ARFGEF3: variants seen among roughly 807,000 people sequenced by gnomAD.
ARFGEF3 encodes ARFGEF family member 3.
Under a neutral mutation model 221.7 loss-of-function variants are expected in ARFGEF3, and 96 were observed. The observed-to-expected ratio is 0.43, with a 90% CI of 0.37 to 0.51. ARFGEF3 has a LOEUF of 0.51. Among genes scored for constraint, ARFGEF3 ranks in the 20% least tolerant of loss-of-function variants. ARFGEF3 has a pLI of 0.00. For synonymous variants in ARFGEF3, 1,145 were observed against 1,126.8 expected (o/e 1.02, Z -0.32); for missense variants, 2,410 against 2,789.9 (o/e 0.86, Z 3.07).
intron 2 of ARFGEF3, among the ~76,000 whole-genome samples, chr6:138,182,919 C>T (rs1777106830): frequency 2.0e-5 from 3 of 152,134 alleles, no homozygotes; most frequent in Admixed American, 6.5e-5. Context: ...TTAATGAACT[C>T]CAGAGAGAAT....
At chr6:138,254,598 C>T (rs1198799695) in intron 9 of ARFGEF3, among the ~76,000 whole-genome samples, 2 of 151,744 alleles carry the variant, frequency 1.3e-5, no homozygotes, top group Non-Finnish European at 2.9e-5. Context: ...GGCATGGTGG[C>T]GGGTGCCTGT....
At position 138,291,312 on chromosome 6, in the gene ARFGEF3, T is replaced by C. The variant is rs1162630624; in HGVS notation, c.3048-421T>C. ...CTCTCCGTCATAGGTATAGCCATTCTGGGATCCCATCGTAGGGAAACGCTT... is the reference window on the plus strand; with the variant it reads ...CTCTCCGTCATAGGTATAGCCATTCCGGGATCCCATCGTAGGGAAACGCTT... On this transcript the variant is annotated intron_variant, in intron 18 of 33. Transcript: ENST00000251691. This position sits in a 1 kb window ranked among gnomAD's most constrained non-coding sequence, Gnocchi z 4.5. Among the ~76,000 whole-genome samples the C allele has an allele frequency of 6.6e-6, 1 of 152,200 alleles. No individual in the cohort carries two copies. The highest frequency in any genetic ancestry group is 1.5e-5 in the Non-Finnish European group (1 of 68,040).
chr6:138,175,474 C>T (rs1023287846), intron 2 of ARFGEF3, among the ~76,000 whole-genome samples: 15 of 152,166 alleles, frequency 9.9e-5, no homozygotes, highest in Admixed American at 9.2e-4. Context: ...TATCCCTACA[C>T]CGAAGAAGCC....
chr6:138,165,329 G>T (rs1776703296), intron 1 of ARFGEF3, among the ~76,000 whole-genome samples: 1 of 148,664 alleles, frequency 6.7e-6, no homozygotes, highest in African/African-American at 2.5e-5. Flanking sequence ...CCGACACTGA[G>T]ACCCTTGTGA....
chr6:138,269,679 G>A (rs1007984104), intron 12 of ARFGEF3, among the ~76,000 whole-genome samples: 4 of 152,104 alleles, frequency 2.6e-5, no homozygotes, highest in Admixed American at 6.5e-5. Context: ...ATGGTGGTGC[G>A]TGCCTGTAGC....
At chr6:138,285,435 C>T (rs1157679900) in intron 14 of ARFGEF3, among the ~76,000 whole-genome samples, 1 of 137,816 alleles carries the variant, frequency 7.3e-6, no homozygotes, top group African/African-American at 2.8e-5. Context: ...GCCTGGGCGA[C>T]AGAGTGAGAC....
At position 138,342,578 on chromosome 6, in the gene ARFGEF3, C is replaced by G. The variant is rs1463689941; in HGVS notation, c.*6092C>G. On this transcript the variant is annotated 3_prime_UTR_variant, in exon 34 of 34. Coordinates refer to ENST00000251691, the MANE Select transcript of ARFGEF3 (RefSeq NM_020340.5). Reference sequence around the variant, plus strand: ...TAGAAACATTGATTCTATGGATGATCATTTGTATCATGTTGACCCTTTGAC... The same window carrying G: ...TAGAAACATTGATTCTATGGATGATGATTTGTATCATGTTGACCCTTTGAC... The G allele has an allele frequency of 6.6e-6, 1 of 152,140 alleles. No individual in the cohort carries two copies. The highest frequency in any genetic ancestry group is 1.5e-5 in the Non-Finnish European group (1 of 68,014). 9.4% of individuals were successfully genotyped at this position (152,140 alleles called of 1,614,324 possible).
At chr6:138,177,724 G>A (rs1303882578) in intron 2 of ARFGEF3, among the ~76,000 whole-genome samples, 1 of 151,732 alleles carries the variant, frequency 6.6e-6, no homozygotes, top group Non-Finnish European at 1.5e-5. Context: ...TTCAAGTTCT[G>A]AGATTCCTTC....
intron 2 of ARFGEF3, among the ~76,000 whole-genome samples, chr6:138,191,301 C>T (rs984842836): frequency 2.0e-5 from 3 of 152,148 alleles, no homozygotes; most frequent in African/African-American, 7.2e-5. Flanking sequence ...GAAATAATTA[C>T]ATATCACATA....
At chr6:138,248,285 T>A (rs1179776722) in intron 8 of ARFGEF3, among the ~76,000 whole-genome samples, 1 of 152,106 alleles carries the variant, frequency 6.6e-6, no homozygotes, top group Non-Finnish European at 1.5e-5. Flanking sequence ...CCTCATCTGA[T>A]CTTAACCCTG....
At chr6:138,279,372 A>C (rs1364971609) in intron 13 of ARFGEF3, among the ~76,000 whole-genome samples, 4 of 152,160 alleles carry the variant, frequency 2.6e-5, no homozygotes, top group African/African-American at 9.7e-5. Flanking sequence ...TCCCAGACCT[A>C]CTGTTGACCC....
At chr6:138,278,289 G>C (rs367748846) in intron 12 of ARFGEF3, among the ~76,000 whole-genome samples, 162 bp from the exon 13 acceptor site, 1 of 152,172 alleles carries the variant, frequency 6.6e-6, no homozygotes, top group African/African-American at 2.4e-5. Flanking sequence ...CCAGGCTGGG[G>C]TGTGTATCTG....
Position 138,296,911 on chromosome 6 carries a change from CA to C in ARFGEF3, c.3605del (p.His1202ProfsTer2). 1 of 1,613,938 alleles carries C rather than the reference CA, an allele frequency of 6.2e-7. No individual in the cohort carries two copies. The highest frequency in any genetic ancestry group is 8.5e-7 in the Non-Finnish European group (1 of 1,179,866). ...IVRSKARPLL[H>X]VMRCWSLVAP... Reference sequence around the variant, plus strand: ...GCGGAGCAAAGCACGGCCCCTGCTCCACGTGATGCGCTGCTGGAGCCTTGTG... The same window carrying C: ...GCGGAGCAAAGCACGGCCCCTGCTCCCGTGATGCGCTGCTGGAGCCTTGTG... On this transcript the variant is annotated frameshift_variant, in exon 21 of 34. Coordinates refer to ENST00000251691, the MANE Select transcript of ARFGEF3 (RefSeq NM_020340.5). LOFTEE classifies it high-confidence loss of function.
At chr6:138,227,637 C>G (rs750221032) in intron 4 of ARFGEF3, among the ~76,000 whole-genome samples, 1 of 152,136 alleles carries the variant, frequency 6.6e-6, no homozygotes, top group South Asian at 2.1e-4. Context: ...CCCCGCCCCC[C>G]GCCATGAAAC....
In ARFGEF3 at chr6:138,267,236, C is replaced by A. The variant is rs189771017; in HGVS notation, c.2128+3625C>A. ...GCCAGGAGTTTGAGACCAGCCTGGC[C>A]AACATGGCAAAACCCCGCCTCTACT... On this transcript the variant is annotated intron_variant, in intron 12 of 33. Transcript: ENST00000251691. Among the ~76,000 whole-genome samples the A allele has an allele frequency of 7.1e-3, 1,072 of 152,044 alleles. 12 individuals are homozygous for A. Among genetic ancestry groups the A allele is most frequent in the African/African-American group, 0.023 (949 of 41,480 alleles).
chr6:138,287,918 T>G (rs1370450411), intron 17 of ARFGEF3, among the ~76,000 whole-genome samples: 1 of 152,124 alleles, frequency 6.6e-6, no homozygotes, highest in Non-Finnish European at 1.5e-5. Context: ...TAGAGACCCA[T>G]TTGAAAACAA....
chr6:138,193,514 C>T (rs1777350978), intron 2 of ARFGEF3, among the ~76,000 whole-genome samples: 1 of 152,276 alleles, frequency 6.6e-6, no homozygotes, highest in East Asian at 1.9e-4. Context: ...AGCGCCTGGA[C>T]ATGTAGTAGG....
chr6:138,194,472 A>T (rs73774681), intron 2 of ARFGEF3, among the ~76,000 whole-genome samples: 7,790 of 152,202 alleles, frequency 0.051, 463 homozygotes, highest in African/African-American at 0.14. Flanking sequence ...TCATGAAAAA[A>T]ATCATTAAGT....
intron 21 of ARFGEF3, among the ~76,000 whole-genome samples, chr6:138,297,831 G>C (rs1006154543): frequency 6.6e-6 from 1 of 152,150 alleles, no homozygotes; most frequent in Non-Finnish European, 1.5e-5. Flanking sequence ...AGGGGTGGCA[G>C]ATCTCACTGG....
Sources: gnomAD v4.1 joint callset for allele counts (sites outside exome capture counted in the v4.1 genomes callset) on GRCh38, gnomAD v4.1.1 for gene constraint, Gnocchi (gnomAD v3.1) non-coding constraint, MANE v1.5 for transcripts, NCBI Gene and HGNC (gene_info 2026-07-23, HGNC 2026-07-21) for gene names.